The following EIF3E variants were observed in gnomAD, a reference collection of about 807,000 sequenced individuals.
EIF3E encodes the protein eukaryotic translation initiation factor 3 subunit E.
In EIF3E, 25 loss-of-function variants were observed where a neutral mutation model predicts 59.3. The observed-to-expected ratio is 0.42, with a 90% CI of 0.31 to 0.59. The LOEUF (loss-of-function observed/expected upper bound fraction) is 0.59. EIF3E is among the 20% of genes least tolerant of loss of function. The pLI is 0.15. For missense variants in EIF3E, 317 were observed against 534.3 expected (o/e 0.59, Z 4.01); for synonymous variants, 176 against 170.2 (o/e 1.03, Z -0.26).
chr8:108,237,394 A>G (rs1022581577), intron 3 of EIF3E, among the ~76,000 whole-genome samples: 2 of 151,868 alleles, frequency 1.3e-5, no homozygotes, highest in South Asian at 2.1e-4. Flanking sequence ...TGGGATTACA[A>G]GCGTGCACCA....
chr8:108,234,338 C>G (rs1207379446), intron 5 of EIF3E: 2 of 152,140 alleles, frequency 1.3e-5, no homozygotes, highest in African/African-American at 4.8e-5. Context: ...TGGCCAAGGC[C>G]TGATTTTTAA....
intron 1 of EIF3E, among the ~76,000 whole-genome samples, chr8:108,248,352 A>G (rs9969614): frequency 0.58 from 88,192 of 151,944 alleles, 25,600 homozygotes; most frequent in Middle Eastern, 0.63. Flanking sequence ...TGATGCGAAA[A>G]TCCCTCCCGC....
chr8:108,206,314 G>A (rs1479339617), intron 10 of EIF3E, among the ~76,000 whole-genome samples: 1 of 151,152 alleles, frequency 6.6e-6, no homozygotes, highest in African/African-American at 2.4e-5. Flanking sequence ...AACAAAGTGA[G>A]ACCCCCATGT....
intron 7 of EIF3E, 50 bp downstream of exon 7, chr8:108,228,217 C>A: frequency 6.7e-7 from 1 of 1,499,084 alleles, no homozygotes. Flanking sequence ...TAAACAACTC[C>A]ATGTAATTTT....
chr8:108,224,238 A>C (rs970958638), intron 7 of EIF3E, among the ~76,000 whole-genome samples: 1 of 151,524 alleles, frequency 6.6e-6, no homozygotes, highest in Non-Finnish European at 1.5e-5. Flanking sequence ...AATAAAAATA[A>C]AATAATTTTT....
chr8:108,248,557 C>T, intron 1 of EIF3E, 56 bp downstream of exon 1: 1 of 1,584,850 alleles, frequency 6.3e-7, no homozygotes, highest in East Asian at 2.2e-5. Context: ...ACCTTTCGGC[C>T]TTGCTCAGCA....
At chr8:108,205,980 G>A (rs961718607) in intron 10 of EIF3E, among the ~76,000 whole-genome samples, 6 of 152,048 alleles carry the variant, frequency 3.9e-5, no homozygotes, top group African/African-American at 1.4e-4. Context: ...GCATCCTCTG[G>A]GGGTTTTGGA....
intron 10 of EIF3E, among the ~76,000 whole-genome samples, chr8:108,206,371 T>A (rs1815100753): frequency 1.3e-5 from 2 of 152,052 alleles, no homozygotes. Flanking sequence ...GAAGGACCTA[T>A]GTATGTGAAA....
chr8:108,236,322 A>G (rs1815728499), intron 3 of EIF3E, 119 bp from the exon 4 acceptor site: 3 of 649,830 alleles, frequency 4.6e-6, no homozygotes, highest in South Asian at 4.6e-5. Flanking sequence ...TTAAATGTTA[A>G]AAGACTTCCA....
At chr8:108,217,790 G>A (rs1174238683) in intron 7 of EIF3E, among the ~76,000 whole-genome samples, 1 of 152,112 alleles carries the variant, frequency 6.6e-6, no homozygotes, top group East Asian at 1.9e-4. Context: ...GCTACTAAGC[G>A]ATGACTTTCA....
At position 108,247,207 on chromosome 8, in the gene EIF3E, A is replaced by G. The variant is rs1472600041; in HGVS notation, c.90+1406T>C. On this transcript the variant is annotated intron_variant, in intron 1 of 12. Transcript: ENST00000220849. ...CTATGAAAATCTAATTCACATTTAC[A>G]TATTCCTCCTTTCCTTCTGTGTGCC... is the stretch of plus-strand genomic sequence containing the variant. Among the ~76,000 whole-genome samples the G allele has an allele frequency of 2.0e-5, 3 of 152,142 alleles. No individual in the cohort carries two copies. In the East Asian group the frequency reaches 5.8e-4, roughly 29 times the overall value.
chr8:108,216,555 A>G, intron 8 of EIF3E, 42 bp from the exon 9 acceptor site: 1 of 1,373,334 alleles, frequency 7.3e-7, no homozygotes, highest in South Asian at 1.2e-5. Context: ...CTGATTCAAC[A>G]TTGTTTAGCA....
At chr8:108,216,562 A>T (rs1363349439) in intron 8 of EIF3E, 49 bp from the exon 9 acceptor site, 2 of 1,296,262 alleles carry the variant, frequency 1.5e-6, no homozygotes, top group Admixed American at 4.0e-5. Flanking sequence ...AACATTGTTT[A>T]GCAGATTGCC....
At chr8:108,245,749 A>G (rs1815936352) in intron 1 of EIF3E, among the ~76,000 whole-genome samples, 1 of 152,218 alleles carries the variant, frequency 6.6e-6, no homozygotes, top group African/African-American at 2.4e-5. Context: ...ACAAGTATGT[A>G]TTCATTCAAT....
chr8:108,240,174 TACA>T, intron 2 of EIF3E, 99 bp from the exon 3 acceptor site: 1 of 932,258 alleles, frequency 1.1e-6, no homozygotes, highest in Non-Finnish European at 1.8e-6. Flanking sequence ...ATTTAAACTA[TACA>T]TATATTTATT....
At chr8:108,214,351 A>G (rs1357693214) in intron 10 of EIF3E, among the ~76,000 whole-genome samples, 2 of 152,212 alleles carry the variant, frequency 1.3e-5, no homozygotes, top group African/African-American at 2.4e-5. Context: ...TTACTCTTCA[A>G]TAAGGTAACT....
At chr8:108,203,917 A>C (rs919977076) in intron 10 of EIF3E, among the ~76,000 whole-genome samples, 7 of 152,106 alleles carry the variant, frequency 4.6e-5, no homozygotes, top group Admixed American at 3.9e-4. Context: ...TAGATAGAAA[A>C]TATTTGGGAA....
chr8:108,236,137 T>C, intron 4 of EIF3E, 24 bp downstream of exon 4: 1 of 1,600,436 alleles, frequency 6.2e-7, no homozygotes, highest in Non-Finnish European at 8.5e-7. Context: ...CATGACAACT[T>C]TAAAATATTT....
chr8:108,222,604 C>T (rs901864608), intron 7 of EIF3E, among the ~76,000 whole-genome samples: 11 of 152,146 alleles, frequency 7.2e-5, no homozygotes, highest in African/African-American at 2.7e-4. Context: ...TTTTGTTTTA[C>T]TTCCCTGGCT....
Sources: allele counts gnomAD v4.1 joint callset (sites outside exome capture counted in the v4.1 genomes callset), GRCh38; gene constraint gnomAD v4.1.1; transcripts MANE v1.5; gene names NCBI Gene and HGNC (gene_info 2026-07-23, HGNC 2026-07-21).